FHIT: variants seen among roughly 807,000 people sequenced by gnomAD.
The protein encoded by FHIT is bis(5'-adenosyl)-triphosphatase.
FHIT carries 19 observed loss-of-function variants against 17.9 expected under a neutral mutation model. The ratio of observed to expected loss-of-function variants is 1.06; its 90% CI spans 0.74 to 1.56. The LOEUF (loss-of-function observed/expected upper bound fraction) is 1.56, where lower values mean the gene tolerates loss of function less well. FHIT is among the 40% of genes most tolerant of loss of function. FHIT has a pLI of 0.00. For missense variants in FHIT, 248 were observed against 189.2 expected (o/e 1.31, Z -1.82); for synonymous variants, 81 against 69.7 (o/e 1.16, Z -0.81).
chr3:61,014,309 G>T (rs536222399), intron 3 of FHIT, among the ~76,000 whole-genome samples: 1 of 152,008 alleles, frequency 6.6e-6, no homozygotes, highest in African/African-American at 2.4e-5. Context: ...TTTGTCTCTG[G>T]CAAGCATCAC....
At chr3:59,780,650 G>A (rs914805116) in intron 8 of FHIT, among the ~76,000 whole-genome samples, 4 of 152,128 alleles carry the variant, frequency 2.6e-5, no homozygotes, top group Non-Finnish European at 5.9e-5. Flanking sequence ...GGAGCCCCAG[G>A]ATGGATTTGT....
intron 4 of FHIT, among the ~76,000 whole-genome samples, chr3:60,731,540 G>A (rs1461191245): frequency 1.3e-5 from 2 of 152,056 alleles, no homozygotes; most frequent in Admixed American, 6.5e-5. Context: ...TCACGTGCTG[G>A]GTGGCCTGCA....
intron 9 of FHIT, chr3:59,749,907 A>ACAACCTATATTAT: frequency 4.4e-6 from 1 of 225,684 alleles, no homozygotes; most frequent in Non-Finnish European, 8.8e-6. Context: ...TTGCCACCTC[A>ACAACCTATATTAT]CAACCTATAT....
chr3:60,961,345 G>A (rs374635977), intron 3 of FHIT, among the ~76,000 whole-genome samples: 15 of 152,214 alleles, frequency 9.9e-5, no homozygotes, highest in African/African-American at 2.2e-4. Context: ...TGTCAGATGC[G>A]TACATTGTAA....
At chr3:60,363,878 T>C (rs573735621) in intron 5 of FHIT, among the ~76,000 whole-genome samples, 14 of 152,292 alleles carry the variant, frequency 9.2e-5, no homozygotes, top group African/African-American at 3.1e-4. Flanking sequence ...CACCTCAGTC[T>C]AGCTTCCTCA....
intron 5 of FHIT, among the ~76,000 whole-genome samples, chr3:60,050,892 A>T (rs1221869152): frequency 1.3e-5 from 2 of 152,120 alleles, no homozygotes; most frequent in African/African-American, 4.8e-5. Flanking sequence ...GGCCCAGGGG[A>T]TTACTCTAAA....
At position 60,825,517 on chromosome 3, in the gene FHIT, T is replaced by G. The variant is rs531182769; in HGVS notation, c.-110-3506A>C. Reference sequence around the variant, plus strand: ...GGCAGACCAGTACCAGTCTGTGGCCTGTTAGGGACCAGGCCACACAGCAGG... The same window carrying G: ...GGCAGACCAGTACCAGTCTGTGGCCGGTTAGGGACCAGGCCACACAGCAGG... On this transcript the variant is annotated intron_variant, in intron 3 of 9. Transcript: ENST00000492590. Among the ~76,000 whole-genome samples, 7 of 152,276 alleles carry G rather than the reference T, an allele frequency of 4.6e-5. No homozygotes were observed. The South Asian group carries it at 1.5e-3, about 32-fold the overall frequency.
intron 2 of FHIT, among the ~76,000 whole-genome samples, chr3:61,121,717 A>T (rs2036462278): frequency 6.6e-6 from 1 of 152,236 alleles, no homozygotes; most frequent in Non-Finnish European, 1.5e-5. Flanking sequence ...CATCATAAAG[A>T]CAGGATCAAA....
At chr3:59,866,611 A>T (rs1702663289) in intron 8 of FHIT, among the ~76,000 whole-genome samples, 1 of 152,214 alleles carries the variant, frequency 6.6e-6, no homozygotes. Context: ...AAGATGGTGC[A>T]AATTATCTGG....
chr3:60,983,101 G>A (rs185607307), intron 3 of FHIT, among the ~76,000 whole-genome samples: 1 of 151,388 alleles, frequency 6.6e-6, no homozygotes, highest in African/African-American at 2.4e-5. Context: ...ACCTCTGATG[G>A]CTCCTTTTAT....
chr3:59,854,416 G>C (rs557940661), intron 8 of FHIT, among the ~76,000 whole-genome samples: 105 of 152,274 alleles, frequency 6.9e-4, no homozygotes, highest in African/African-American at 2.3e-3. Context: ...AAGAGGTCAA[G>C]TTTCCCATCT....
intron 1 of FHIT, chr3:61,244,248 C>T (rs949300559): frequency 9.9e-5 from 15 of 152,124 alleles, no homozygotes; most frequent in African/African-American, 3.6e-4. Flanking sequence ...ATGGGACCAG[C>T]CCCAGGTGAT....
At chr3:60,591,713 C>T (rs116638008) in intron 4 of FHIT, among the ~76,000 whole-genome samples, 211 of 152,168 alleles carry the variant, frequency 1.4e-3, no homozygotes, top group African/African-American at 4.8e-3. Context: ...AATGAGCCTT[C>T]TGAGATTCAT....
chr3:60,173,915 A>ATATTTTTTTTTT lies in FHIT; in HGVS notation c.104-159764_104-159763insAAAAAAAAAATA. 9.0e-5 allele frequency among the ~76,000 whole-genome samples: 6 copies of ATATTTTTTTTTT among 66,442 alleles called. 1 individual carries two copies. The highest frequency in any genetic ancestry group is 7.9e-4 in the East Asian group (1 of 1,264). 43.6% of individuals were successfully genotyped at this position (66,442 alleles called of 152,430 possible). On this transcript the variant is annotated intron_variant, in intron 5 of 9. Coordinates refer to ENST00000492590, the MANE Select transcript of FHIT (RefSeq NM_002012.4). Reference sequence around the variant, plus strand: ...TATATATATATATATATATATATATATGTTTTTTTTTTTTTTTGAGATCGA... The same window carrying ATATTTTTTTTTT: ...TATATATATATATATATATATATATATATTTTTTTTTTTGTTTTTTTTTTTTTTTGAGATCGA...
intron 2 of FHIT, among the ~76,000 whole-genome samples, chr3:61,121,682 A>T (rs1486697616): frequency 6.6e-6 from 1 of 152,216 alleles, no homozygotes; most frequent in Non-Finnish European, 1.5e-5. Context: ...ATCCGCATCA[A>T]CTAACGGGCA....
At chr3:59,939,907 T>C (rs542480768) in intron 7 of FHIT, among the ~76,000 whole-genome samples, 3 of 152,296 alleles carry the variant, frequency 2.0e-5, no homozygotes, top group Non-Finnish European at 2.9e-5. Flanking sequence ...GTGCGCTCCA[T>C]GGTCATACAT....
intron 3 of FHIT, among the ~76,000 whole-genome samples, chr3:60,973,934 A>G (rs1458161258): frequency 6.6e-6 from 1 of 152,206 alleles, no homozygotes; most frequent in African/African-American, 2.4e-5. Context: ...CTAAGTATTA[A>G]AAATAGCACC....
intron 3 of FHIT, among the ~76,000 whole-genome samples, chr3:61,032,164 A>G (rs933165490): frequency 7.2e-5 from 11 of 152,214 alleles, no homozygotes; most frequent in East Asian, 1.9e-4. Context: ...GTGTTGAGGA[A>G]CTCCTACAGG....
intron 4 of FHIT, among the ~76,000 whole-genome samples, chr3:60,594,454 A>G (rs2038193750): frequency 6.6e-6 from 1 of 152,242 alleles, no homozygotes; most frequent in East Asian, 1.9e-4. Context: ...TTAATCAACA[A>G]CTGCCAACTT....
Sources: allele counts gnomAD v4.1 joint callset (sites outside exome capture counted in the v4.1 genomes callset), GRCh38; gene constraint gnomAD v4.1.1; transcripts MANE v1.5; gene names NCBI Gene and HGNC (gene_info 2026-07-23, HGNC 2026-07-21).